DGKK: variants seen among roughly 807,000 people sequenced by gnomAD.
The protein encoded by DGKK is diacylglycerol kinase kappa, also known as 142 kDa diacylglycerol kinase.
DGKK carries 35 observed loss-of-function variants against 92.2 expected under a neutral mutation model. That is an observed-to-expected ratio of 0.38 (90% CI 0.29 to 0.50). The LOEUF is 0.50. Ranked by LOEUF, DGKK falls within the 20% of genes least tolerant of loss-of-function variation. The pLI, the probability that DGKK is intolerant of heterozygous loss-of-function variation, is 0.92. For synonymous variants in DGKK, 368 were observed against 360.6 expected, an observed-to-expected ratio of 1.02 and a Z score of -0.23; for missense variants, 910 against 992.2, an observed-to-expected ratio of 0.92 and a Z score of 1.11.
chrX:50,414,749 A>G (rs1486205297), intron 4 of DGKK, among the ~76,000 whole-genome samples: 2 of 111,781 alleles, frequency 1.8e-5, no homozygotes, highest in Non-Finnish European at 3.8e-5. Flanking sequence ...AAGACCCACT[A>G]TTTGATAAGG....
rs1557223252 is a variant in DGKK, at chrX:50,371,800, C to T, written c.3536G>A (p.Ser1179Asn). The T allele has an allele frequency of 8.3e-7, 1 of 1,206,000 alleles. No individual in the cohort carries two copies. The highest frequency in any genetic ancestry group is 2.2e-5 in the Admixed American group (1 of 45,781). Residue 1179 changes from serine to asparagine, a missense_variant, in exon 26 of 28, where the codon AGC becomes AAC. By Grantham distance (46) the Ser-to-Asn change is conservative. Transcript: ENST00000611977. Reference protein sequence around the residue: ...RSAEDETALQSALDAMNKEFK... With the variant: ...RSAEDETALQNALDAMNKEFK... ...CTCCTTATTCATGGCATCCAGGGCGCTTTGTAGTGCAGTCTCATCCTCAGC... is the reference window on the plus strand; with the variant it reads ...CTCCTTATTCATGGCATCCAGGGCGTTTTGTAGTGCAGTCTCATCCTCAGC...
chrX:50,443,437 T>C (rs1926213081), intron 1 of DGKK, among the ~76,000 whole-genome samples: 1 of 111,447 alleles, frequency 9.0e-6, no homozygotes, highest in African/African-American at 3.3e-5. Flanking sequence ...AAAGAAATTA[T>C]GTCCTACATA....
chrX:50,467,551 G>C lies in DGKK; in HGVS notation c.645+2483C>G, dbSNP rs1193773114. 2.7e-5 allele frequency among the ~76,000 whole-genome samples: 3 copies of C among 113,042 alleles called. 1 individual carries two copies. In the Admixed American group the frequency reaches 2.8e-4, roughly 10 times the overall value. On this transcript the variant is annotated intron_variant, in intron 1 of 27. Transcript: ENST00000611977. ...TTTGTTTTGTTCCCTGACATTTTGGGCACATATGTATAGTATGTGTGTGTG... is the reference window on the plus strand; with the variant it reads ...TTTGTTTTGTTCCCTGACATTTTGGCCACATATGTATAGTATGTGTGTGTG...
At chrX:50,469,680 A>G (rs1927003276) in intron 1 of DGKK, among the ~76,000 whole-genome samples, 1 of 112,856 alleles carries the variant, frequency 8.9e-6, no homozygotes, top group African/African-American at 3.2e-5. Flanking sequence ...GCCAGCCCCA[A>G]ACACTTCTCC....
intron 1 of DGKK, among the ~76,000 whole-genome samples, chrX:50,457,368 C>T (rs1926634005): frequency 9.0e-6 from 1 of 111,279 alleles, no homozygotes; most frequent in South Asian, 3.8e-4. Context: ...CAAATCATTA[C>T]CCAAAGTCCT....
intron 1 of DGKK, among the ~76,000 whole-genome samples, chrX:50,444,249 A>G (rs1926235530): frequency 8.9e-6 from 1 of 112,007 alleles, no homozygotes; most frequent in Admixed American, 9.5e-5. Context: ...ACTATTTTTG[A>G]AAGTGACTGT....
At chrX:50,428,103 G>A (rs1602291556) in intron 1 of DGKK, among the ~76,000 whole-genome samples, 1 of 110,344 alleles carries the variant, frequency 9.1e-6, no homozygotes, top group African/African-American at 3.3e-5. Context: ...GGTATGAGAA[G>A]GGGAGAGTTT....
chrX:50,395,575 G>C (rs894420170), intron 8 of DGKK, among the ~76,000 whole-genome samples: 3 of 111,282 alleles, frequency 2.7e-5, no homozygotes, highest in Admixed American at 1.9e-4. Flanking sequence ...ACCAACCACT[G>C]TGTACTATTT....
chrX:50,464,428 T>G (rs1926842855), intron 1 of DGKK, among the ~76,000 whole-genome samples: 1 of 110,508 alleles, frequency 9.0e-6, no homozygotes, highest in Non-Finnish European at 1.9e-5. Flanking sequence ...AGATTTGGTA[T>G]AGTCAGGGAC....
At chrX:50,417,552 T>C (rs1019689803) in intron 4 of DGKK, among the ~76,000 whole-genome samples, 5 of 111,031 alleles carry the variant, frequency 4.5e-5, no homozygotes, top group Non-Finnish European at 9.4e-5. Flanking sequence ...TCTCCTTTTA[T>C]TCTTTCTTTA....
chrX:50,391,338 G>A (rs1557225506), intron 11 of DGKK, 99 bp downstream of exon 11: 8 of 1,070,757 alleles, frequency 7.5e-6, no homozygotes, highest in Non-Finnish European at 6.3e-6. Flanking sequence ...AAGGAAATGA[G>A]GCTCTATCAA....
At chrX:50,385,163 A>G (rs782272460) in intron 15 of DGKK, among the ~76,000 whole-genome samples, 1 of 111,625 alleles carries the variant, frequency 9.0e-6, no homozygotes, top group Non-Finnish European at 1.9e-5. Flanking sequence ...GGGTATCAGC[A>G]TGGGAAACTC....
At chrX:50,466,429 A>G (rs1293520248) in intron 1 of DGKK, among the ~76,000 whole-genome samples, 1 of 111,552 alleles carries the variant, frequency 9.0e-6, no homozygotes, top group Admixed American at 9.5e-5. Flanking sequence ...TGCTGCTGGG[A>G]CTGCATGGGA....
At chrX:50,373,690 A>G (rs1557223510) in intron 25 of DGKK, among the ~76,000 whole-genome samples, 2 of 112,235 alleles carry the variant, frequency 1.8e-5, no homozygotes, top group East Asian at 5.6e-4. Flanking sequence ...AAAAGAGGAA[A>G]TAGATGCACT....
intron 1 of DGKK, among the ~76,000 whole-genome samples, chrX:50,455,298 C>A (rs1337308076): frequency 5.4e-5 from 6 of 111,941 alleles, no homozygotes; most frequent in African/African-American, 1.6e-4. Context: ...TTTTAGCTTG[C>A]TGTCTTTGGA....
chrX:50,403,533 T>C lies in DGKK; in HGVS notation c.1143A>G (p.Thr381=), dbSNP rs959422337. The C allele has an allele frequency of 8.3e-7, 1 of 1,211,219 alleles. No homozygotes were observed. Among genetic ancestry groups the C allele is most frequent in the African/African-American group, 1.7e-5 (1 of 57,768 alleles). ...GAAGGAGGTCATCAGTGATAGACAA[T>C]GTATTCCACTTGCAGTCTTTGCTTG... The part of the protein sequence containing the change: ...LRASKDCKWN[T]LSITDDLLLP... Residue 381 remains threonine, a synonymous_variant, in exon 6 of 28, where the codon ACA becomes ACG. Transcript: ENST00000611977.
At chrX:50,460,891 C>A (rs1926725946) in intron 1 of DGKK, among the ~76,000 whole-genome samples, 1 of 88,868 alleles carries the variant, frequency 1.1e-5, no homozygotes, top group Non-Finnish European at 2.1e-5. Context: ...ACAAAGCCAT[C>A]ACTAATTTTT....
At chrX:50,410,649 T>A (rs1925280597) in intron 4 of DGKK, among the ~76,000 whole-genome samples, 2 of 111,027 alleles carry the variant, frequency 1.8e-5, no homozygotes, top group South Asian at 7.7e-4. Context: ...AACTTTGGAG[T>A]GAGGCTGAGA....
intron 25 of DGKK, among the ~76,000 whole-genome samples, chrX:50,374,574 A>G (rs1337032486): frequency 4.5e-5 from 5 of 111,198 alleles, no homozygotes; most frequent in African/African-American, 1.6e-4. Context: ...GAATCTCCCA[A>G]TTTTCCCACT....
Sources: gnomAD v4.1 joint callset for allele counts (sites outside exome capture counted in the v4.1 genomes callset) on GRCh38, gnomAD v4.1.1 for gene constraint, MANE v1.5 for transcripts, NCBI Gene and HGNC (gene_info 2026-07-23, HGNC 2026-07-21) for gene names.